The following SLC26A8 variants were observed in gnomAD, a reference collection of about 807,000 sequenced individuals.
SLC26A8 encodes testis anion transporter 1.
Under a neutral mutation model 105.0 loss-of-function variants are expected in SLC26A8, and 70 were observed. The observed-to-expected ratio is 0.67, with a 90% CI of 0.55 to 0.81. The LOEUF (loss-of-function observed/expected upper bound fraction) is 0.81, where lower values mean the gene tolerates loss of function less well. SLC26A8 is among the 40% of genes least tolerant of loss of function. The pLI is 0.00. For synonymous variants in SLC26A8, 415 were observed against 438.3 expected (o/e 0.95, Z 0.66); for missense variants, 998 against 1,181.8 (o/e 0.84, Z 2.28).
rs1274981733 is a variant in SLC26A8 at position 35,975,449 on chromosome 6, A to C, written c.1213T>G (p.Phe405Val). 6.2e-7 allele frequency: 1 copy of C among 1,613,892 alleles called. No individual in the cohort carries two copies. The highest frequency in any genetic ancestry group is 8.5e-7 in the Non-Finnish European group (1 of 1,179,866). The change falls in exon 10 of 20, where the codon TTT (phenylalanine) becomes GTT (valine). Residue 405 changes from phenylalanine to valine, a missense_variant. Physicochemically the swap from Phe to Val is conservative, Grantham distance 50. Coordinates refer to ENST00000490799, the MANE Select transcript of SLC26A8 (RefSeq NM_052961.4). The stretch of plus-strand genomic sequence containing the variant: ...CCAGTAAACACACAAGATCTGAAAA[A>C]TGAACTGACGACATTGCAAAGGCCG... ...AIGLCNVVSS[F>V]FRSCVFTGAI...
chr6:35,991,314 G>A (rs1171032182), intron 7 of SLC26A8, among the ~76,000 whole-genome samples: 1 of 148,964 alleles, frequency 6.7e-6, no homozygotes, highest in Non-Finnish European at 1.5e-5. Context: ...TGAGGCAAGA[G>A]AATTGCTTGA....
rs186579919 is a variant in SLC26A8, at chr6:35,990,235, C to A, written c.942+1424G>T. ...TACAGGCATGAGCCACCGCACCTGG[C>A]CTCTGCTCTGTGGTTCTTGAGCCAA... On this transcript the variant is annotated intron_variant, in intron 7 of 19. Transcript: ENST00000490799. 130 of 181,978 alleles carry A rather than the reference C, an allele frequency of 7.1e-4. 1 individual carries two copies. Among genetic ancestry groups the A allele is most frequent in the Non-Finnish European group, 1.4e-4 (12 of 88,504 alleles). The allele number at this position is 181,978 out of a possible 1,614,324, so 11.3% of individuals were successfully genotyped here.
intron 6 of SLC26A8, 43 bp downstream of exon 6, chr6:35,992,467 G>C (rs1230097571): frequency 1.9e-6 from 3 of 1,577,592 alleles, no homozygotes. Flanking sequence ...GGAGGCAAGA[G>C]GAGTGGCATT....
intron 16 of SLC26A8, 36 bp downstream of exon 16, chr6:35,959,424 T>C (rs1254142864): frequency 6.4e-7 from 1 of 1,569,456 alleles, no homozygotes; most frequent in Admixed American, 2.1e-5. Context: ...TTATAAAATA[T>C]GGAGAAAAAC....
At chr6:35,994,625 G>C (rs972836475) in intron 5 of SLC26A8, among the ~76,000 whole-genome samples, 1 of 150,090 alleles carries the variant, frequency 6.7e-6, no homozygotes, top group Non-Finnish European at 1.5e-5. Context: ...ACCCAGGCTG[G>C]AGTGCAGTGG....
At chr6:35,982,063 G>C (rs956531484) in intron 8 of SLC26A8, 58 bp downstream of exon 8, 2 of 1,539,390 alleles carry the variant, frequency 1.3e-6, no homozygotes, top group African/African-American at 2.7e-5. Flanking sequence ...TGTGTGGTCA[G>C]AGGCTAAGAG....
In SLC26A8 at chr6:35,968,358, G is replaced by A. The variant is rs184150444; in HGVS notation, c.1365+519C>T. On this transcript the variant is annotated intron_variant, in intron 11 of 19. Coordinates refer to ENST00000490799, the MANE Select transcript of SLC26A8 (RefSeq NM_052961.4). ...TGAGGTTTCTCCATGTTGGCCAGGC[G>A]GGTCTTGAACTCCTGACTTCAGGTA... Among the ~76,000 whole-genome samples the A allele has an allele frequency of 5.4e-3, 785 of 146,552 alleles. 4 individuals are homozygous for A. The highest frequency in any genetic ancestry group is 0.015 in the African/African-American group (616 of 39,818).
intron 7 of SLC26A8, among the ~76,000 whole-genome samples, chr6:35,986,117 C>T (rs1168685406): frequency 1.4e-5 from 2 of 147,048 alleles, no homozygotes; most frequent in Non-Finnish European, 3.0e-5. Flanking sequence ...TCACTGCAAC[C>T]TTCACCTCCT....
chr6:36,003,123 C>T (rs1318146108), intron 3 of SLC26A8, among the ~76,000 whole-genome samples: 1 of 152,144 alleles, frequency 6.6e-6, no homozygotes, highest in Non-Finnish European at 1.5e-5. Flanking sequence ...ACTTAAGAAA[C>T]CTTTTTCTAC....
chr6:36,023,901 C>A (rs1197389046), intron 1 of SLC26A8, among the ~76,000 whole-genome samples: 1 of 152,104 alleles, frequency 6.6e-6, no homozygotes, highest in African/African-American at 2.4e-5. Flanking sequence ...GATGACAGTC[C>A]TTAAGCGGAT....
Position 35,944,325 on chromosome 6 carries a change from A to G in SLC26A8, c.2488T>C (p.Tyr830His), listed in dbSNP as rs568128778. 8 of 1,611,078 alleles carry G rather than the reference A, an allele frequency of 5.0e-6. No homozygotes were observed. Among genetic ancestry groups the G allele is most frequent in the South Asian group, 4.4e-5 (4 of 91,018 alleles). The change falls in exon 20 of 20, where the codon TAT (tyrosine) becomes CAT (histidine). Residue 830 changes from tyrosine to histidine, a missense_variant. Tyr to His is a moderately conservative substitution (Grantham distance 83). Coordinates refer to ENST00000490799, the MANE Select transcript of SLC26A8 (RefSeq NM_052961.4). ...CCTAGAAAACTGCTGCTCATTTTAT[A>G]TCTTGAATTGTCATTCTGAAATACA... ...SETDKNDNSRYKMSSSFLGSQ... is the reference protein window; with the variant it reads ...SETDKNDNSRHKMSSSFLGSQ...
intron 3 of SLC26A8, among the ~76,000 whole-genome samples, chr6:36,010,437 G>C (rs753201001): frequency 3.3e-5 from 5 of 152,016 alleles, no homozygotes; most frequent in Admixed American, 3.3e-4. Context: ...TAGATTGGGG[G>C]GTATGTGGCT....
At chr6:35,980,121 C>T (rs1005400035) in intron 8 of SLC26A8, among the ~76,000 whole-genome samples, 2 of 152,166 alleles carry the variant, frequency 1.3e-5, no homozygotes, top group African/African-American at 2.4e-5. Context: ...TGCAGGCACA[C>T]ACCACTATGC....
intron 3 of SLC26A8, among the ~76,000 whole-genome samples, chr6:36,001,844 A>G (rs1322025654): frequency 6.6e-6 from 1 of 152,220 alleles, no homozygotes; most frequent in Non-Finnish European, 1.5e-5. Context: ...GCCTGCCAAC[A>G]GCTGCATGAG....
chr6:35,988,570 G>A (rs1051517833), intron 7 of SLC26A8, among the ~76,000 whole-genome samples: 19 of 151,972 alleles, frequency 1.3e-4, no homozygotes, highest in African/African-American at 4.1e-4. Flanking sequence ...GGGAGGCGGA[G>A]GTTGCAGTGG....
chr6:35,988,945 A>G (rs1773641672), intron 7 of SLC26A8, among the ~76,000 whole-genome samples: 1 of 147,868 alleles, frequency 6.8e-6, no homozygotes, highest in African/African-American at 2.5e-5. Context: ...GGTTCATACC[A>G]TTCTCCTGCC....
rs1562022990 is a variant in SLC26A8 at position 35,959,599 on chromosome 6, A to T, written c.1732-8T>A. On this transcript the variant is annotated splice_region_variant and splice_polypyrimidine_tract_variant and intron_variant, in intron 15 of 19. Transcript: ENST00000490799. ...CACCTTTACCATATCAACCTGAAAGACATGAGAGGTCTCATCCAGAGGAAG... is the reference window on the plus strand; with the variant it reads ...CACCTTTACCATATCAACCTGAAAGTCATGAGAGGTCTCATCCAGAGGAAG... The T allele has an allele frequency of 6.2e-7, 1 of 1,611,550 alleles. No individual in the cohort carries two copies. The highest frequency in any genetic ancestry group is 2.2e-5 in the East Asian group (1 of 44,858).
At position 36,016,873 on chromosome 6, in the gene SLC26A8, A is replaced by G. The variant is rs79612500; in HGVS notation, c.188+2647T>C. ...AAATTCATAGAAGGAAACATAGATGAAAATATGCATGATCTTGGCCCAGAG... is the reference window on the plus strand; with the variant it reads ...AAATTCATAGAAGGAAACATAGATGGAAATATGCATGATCTTGGCCCAGAG... On this transcript the variant is annotated intron_variant, in intron 2 of 19. Coordinates refer to ENST00000490799, the MANE Select transcript of SLC26A8 (RefSeq NM_052961.4). 6.4e-4 allele frequency among the ~76,000 whole-genome samples: 98 copies of G among 152,246 alleles called. 1 individual carries two copies. The East Asian group carries it at 0.016, about 24-fold the overall frequency.
chr6:35,997,240 C>CCACAGCA (rs1340091276), intron 5 of SLC26A8, among the ~76,000 whole-genome samples: 1 of 152,030 alleles, frequency 6.6e-6, no homozygotes, highest in African/African-American at 2.4e-5. Context: ...GTCAGATCAG[C>CCACAGCA]CACAGCATTA....
Sources: allele counts gnomAD v4.1 joint callset (sites outside exome capture counted in the v4.1 genomes callset), GRCh38; gene constraint gnomAD v4.1.1; transcripts MANE v1.5; gene names NCBI Gene and HGNC (gene_info 2026-07-23, HGNC 2026-07-21).